PARD3B: variants seen among roughly 807,000 people sequenced by gnomAD.
PARD3B encodes par-3 family cell polarity regulator beta, also known as partitioning defective 3 homolog B.
A neutral mutation model predicts 130.2 loss-of-function variants in PARD3B; 103 were observed. The ratio of observed to expected loss-of-function variants is 0.79; its 90% confidence interval spans 0.67 to 0.93. The LOEUF (loss-of-function observed/expected upper bound fraction) is 0.93, where lower values mean the gene tolerates loss of function less well. Among genes scored for constraint, PARD3B ranks in the 40% least tolerant of loss-of-function variants. The pLI is 0.00. For missense variants in PARD3B, 1,609 were observed against 1,499.2 expected, an observed-to-expected ratio of 1.07 and a Z score of -1.21; for synonymous variants, 583 against 553.2, an observed-to-expected ratio of 1.05 and a Z score of -0.76.
At chr2:204,775,975 A>G (rs2041600419) in intron 2 of PARD3B, among the ~76,000 whole-genome samples, 1 of 152,322 alleles carries the variant, frequency 6.6e-6, no homozygotes, top group African/African-American at 2.4e-5. Context: ...CAGCATTGTC[A>G]TATTTAACTC....
At chr2:205,069,526 T>C (rs6716363) in intron 4 of PARD3B, among the ~76,000 whole-genome samples, 10,355 of 152,176 alleles carry the variant, frequency 0.068, 392 homozygotes, top group Middle Eastern at 0.18. Context: ...AATCTACAAA[T>C]GTTACTTGTA....
chr2:204,630,766 ATAT>A (rs573648926), intron 1 of PARD3B, among the ~76,000 whole-genome samples: 1 of 152,182 alleles, frequency 6.6e-6, no homozygotes, highest in Admixed American at 6.5e-5. Context: ...AGATAATATA[ATAT>A]TCTCTGATGG....
Position 205,082,413 on chromosome 2 carries a change from A to G in PARD3B, c.505-22013A>G, listed in dbSNP as rs372077431. ...AACAATTATAGCAATGTGCTGTGAT[A>G]AAAGTCATGGAAATGTGTGTTTGCT... On this transcript the variant is annotated intron_variant, in intron 4 of 22. Coordinates refer to ENST00000406610, the MANE Select transcript of PARD3B (RefSeq NM_001302769.2). Among the ~76,000 whole-genome samples, 6 of 152,334 alleles carry G rather than the reference A, an allele frequency of 3.9e-5. No homozygotes were observed. The South Asian group carries it at 1.2e-3, about 32-fold the overall frequency.
rs6722595 is a variant in PARD3B at position 204,706,192 on chromosome 2, G to A, written c.222+19910G>A. Among the ~76,000 whole-genome samples the A allele has an allele frequency of 4.6e-5, 7 of 151,728 alleles. No homozygotes were observed. In the South Asian group the frequency reaches 1.0e-3, roughly 23 times the overall value. ...ACCATGCTGGCTAACACAGTGAAAC[G>A]CTGTCTCTACTAAAAATACAAAAAA... On this transcript the variant is annotated intron_variant, in intron 2 of 22. Transcript: ENST00000406610.
Position 204,608,975 on chromosome 2 carries a change from G to A in PARD3B, c.120+62856G>A, listed in dbSNP as rs374032682. Among the ~76,000 whole-genome samples, 27 of 152,246 alleles carry A rather than the reference G, an allele frequency of 1.8e-4. No homozygotes were observed. In the South Asian group the frequency reaches 3.7e-3, roughly 21 times the overall value. On this transcript the variant is annotated intron_variant, in intron 1 of 22. Transcript: ENST00000406610. Reference sequence around the variant, plus strand: ...TAAATAATTCCAGTTGTATAATTATGGCTATTCAGGTAATACCCTGTTATA... The same window carrying A: ...TAAATAATTCCAGTTGTATAATTATAGCTATTCAGGTAATACCCTGTTATA...
intron 15 of PARD3B, among the ~76,000 whole-genome samples, chr2:205,206,055 G>A (rs960826461): frequency 7.2e-5 from 11 of 152,008 alleles, no homozygotes; most frequent in East Asian, 3.9e-4. Flanking sequence ...GGTAGAGTTC[G>A]GCTGTGACTT....
At chr2:205,414,783 T>C (rs1395698360) in intron 19 of PARD3B, among the ~76,000 whole-genome samples, 2 of 152,072 alleles carry the variant, frequency 1.3e-5, no homozygotes, top group African/African-American at 4.8e-5. Context: ...TTTCACAGTC[T>C]CTAATAGAGG....
chr2:205,310,334 C>T (rs1242963833), intron 18 of PARD3B, among the ~76,000 whole-genome samples: 1 of 152,042 alleles, frequency 6.6e-6, no homozygotes, highest in East Asian at 1.9e-4. Context: ...TGATCGCCTG[C>T]CTCAGCCTCC....
At chr2:205,206,607 A>G (rs1218219456) in intron 15 of PARD3B, among the ~76,000 whole-genome samples, 4 of 151,226 alleles carry the variant, frequency 2.6e-5, no homozygotes, top group African/African-American at 9.8e-5. Context: ...TTCTTAATCC[A>G]GTCTATCATT....
rs2055514398 is a variant in PARD3B at position 205,618,831 on chromosome 2, A to T, written c.*3018A>T. 6.6e-6 allele frequency: 1 copy of T among 152,216 alleles called. No individual in the cohort carries two copies. The highest frequency in any genetic ancestry group is 2.1e-4 in the South Asian group (1 of 4,830). The allele number at this position is 152,216 out of a possible 1,614,324, so 9.4% of individuals were successfully genotyped here. A position where few individuals can be genotyped will look rare whatever the true frequency, so the allele number is the denominator to read the frequency against. ...GTTGTGGCACTCTCACCCTTGCCAT[A>T]ATACCGTTTCCTAACAATATCAAAT... is the stretch of plus-strand genomic sequence containing the variant. On this transcript the variant is annotated 3_prime_UTR_variant, in exon 23 of 23. Transcript: ENST00000406610.
At chr2:205,384,941 C>A (rs769676220) in intron 18 of PARD3B, among the ~76,000 whole-genome samples, 12 of 152,076 alleles carry the variant, frequency 7.9e-5, no homozygotes, top group Middle Eastern at 3.2e-3. Flanking sequence ...TAGAAACATT[C>A]ACTAGACTAT....
rs1468742027 is a variant in PARD3B at position 205,125,314 on chromosome 2, T to C, written c.1306-295T>C. Reference sequence around the variant, plus strand: ...CGCTAAGTAAGCCTTTGCAATCTGCTTTCTACCTTAAGCGGAATCATTTTC... The same window carrying C: ...CGCTAAGTAAGCCTTTGCAATCTGCCTTCTACCTTAAGCGGAATCATTTTC... On this transcript the variant is annotated intron_variant, in intron 9 of 22. Transcript: ENST00000406610. The surrounding 1 kb of genome is among the most constrained non-coding windows in gnomAD (Gnocchi z 4.0). 1.3e-5 allele frequency among the ~76,000 whole-genome samples: 2 copies of C among 152,194 alleles called. No homozygotes were observed. Among genetic ancestry groups the C allele is most frequent in the Non-Finnish European group, 2.9e-5 (2 of 68,034 alleles).
At chr2:204,889,336 C>T (rs989878660) in intron 2 of PARD3B, among the ~76,000 whole-genome samples, 3 of 152,140 alleles carry the variant, frequency 2.0e-5, no homozygotes, top group African/African-American at 7.2e-5. Context: ...AGAGAATGCC[C>T]TGTGATAGAT....
chr2:205,109,650 C>CTTTTT (rs35545106), intron 5 of PARD3B, among the ~76,000 whole-genome samples: 1 of 69,312 alleles, frequency 1.4e-5, no homozygotes, highest in African/African-American at 5.6e-5. Context: ...AATACCTAAT[C>CTTTTT]TTTTTTTTTT....
At position 204,997,743 on chromosome 2, in the gene PARD3B, A is replaced by C. The variant is rs199907928; in HGVS notation, c.394+32420A>C. On this transcript the variant is annotated intron_variant, in intron 3 of 22. Coordinates refer to ENST00000406610, the MANE Select transcript of PARD3B (RefSeq NM_001302769.2). ...CTTGCATTACTACACTTAGAGCTCC[A>C]GTGTTGGATAGAATGAGTGATAGCT... Among the ~76,000 whole-genome samples the C allele has an allele frequency of 2.4e-4, 37 of 151,800 alleles. No individual in the cohort carries two copies. In the East Asian group the frequency reaches 7.2e-3, roughly 29 times the overall value.
intron 19 of PARD3B, among the ~76,000 whole-genome samples, chr2:205,429,894 G>A (rs1395795758): frequency 6.6e-6 from 1 of 152,062 alleles, no homozygotes; most frequent in East Asian, 1.9e-4. Flanking sequence ...TGCTTTTCTT[G>A]GCTGCCAGCA....
At chr2:205,593,356 T>A (rs867237978) in intron 22 of PARD3B, among the ~76,000 whole-genome samples, 3 of 152,242 alleles carry the variant, frequency 2.0e-5, no homozygotes, top group Non-Finnish European at 4.4e-5. Flanking sequence ...ATTTTTTGGT[T>A]GTAGTTGATG....
At chr2:205,192,139 G>A (rs2036432295) in intron 14 of PARD3B, among the ~76,000 whole-genome samples, 1 of 152,154 alleles carries the variant, frequency 6.6e-6, no homozygotes, top group South Asian at 2.1e-4. Context: ...TATTGAATAT[G>A]GAGGGATGAT....
At chr2:205,107,015 C>T (rs1703270136) in intron 5 of PARD3B, among the ~76,000 whole-genome samples, 1 of 152,192 alleles carries the variant, frequency 6.6e-6, no homozygotes, top group South Asian at 2.1e-4. Flanking sequence ...CAGGGAGAAT[C>T]TCATATGCCA....
Sources: allele counts gnomAD v4.1 joint callset (sites outside exome capture counted in the v4.1 genomes callset), GRCh38; gene constraint gnomAD v4.1.1; non-coding constraint Gnocchi (gnomAD v3.1); transcripts MANE v1.5; gene names NCBI Gene and HGNC (gene_info 2026-07-23, HGNC 2026-07-21).